CDKAL1: variants seen among roughly 807,000 people sequenced by gnomAD.
CDKAL1 encodes threonylcarbamoyladenosine tRNA methylthiotransferase.
A neutral mutation model predicts 68.2 loss-of-function variants in CDKAL1; 32 were observed. That is an observed-to-expected ratio of 0.47 (90% CI 0.35 to 0.63). CDKAL1 has a LOEUF of 0.63. CDKAL1 is among the 30% of genes least tolerant of loss of function. CDKAL1 has a pLI of 0.00. For synonymous variants in CDKAL1, 234 were observed against 244.3 expected (o/e 0.96, Z 0.39); for missense variants, 606 against 696.7 (o/e 0.87, Z 1.47).
At chr6:21,016,432 A>G (rs889057183) in intron 11 of CDKAL1, among the ~76,000 whole-genome samples, 2 of 151,630 alleles carry the variant, frequency 1.3e-5, no homozygotes, top group Non-Finnish European at 2.9e-5. Flanking sequence ...CAACTCCTTG[A>G]TCCTCTGTAA....
chr6:21,176,903 T>C (rs1308541028), intron 13 of CDKAL1, among the ~76,000 whole-genome samples: 4 of 151,978 alleles, frequency 2.6e-5, no homozygotes, highest in Non-Finnish European at 5.9e-5. Flanking sequence ...TTCACCATCT[T>C]GGCCAGGCTG....
chr6:20,696,596 T>C (rs1771117854), intron 5 of CDKAL1, among the ~76,000 whole-genome samples: 1 of 152,242 alleles, frequency 6.6e-6, no homozygotes, highest in South Asian at 2.1e-4. Flanking sequence ...ACTGTTTGTA[T>C]TTTTAATAGC....
intron 4 of CDKAL1, among the ~76,000 whole-genome samples, chr6:20,595,801 C>T (rs919163952): frequency 5.9e-5 from 9 of 152,096 alleles, no homozygotes; most frequent in African/African-American, 1.7e-4. Context: ...TCCTCATCTT[C>T]GTGGATTCAT....
chr6:21,129,653 G>A (rs1219631050), intron 13 of CDKAL1, among the ~76,000 whole-genome samples: 1 of 128,306 alleles, frequency 7.8e-6, no homozygotes, highest in Non-Finnish European at 1.5e-5. Flanking sequence ...TTGTCTTATA[G>A]GAGACTATAC....
intron 4 of CDKAL1, among the ~76,000 whole-genome samples, chr6:20,597,396 G>A (rs1765879318): frequency 6.6e-6 from 1 of 151,864 alleles, no homozygotes; most frequent in African/African-American, 2.4e-5. Context: ...CCAAAGTGCT[G>A]GGATTACAGG....
At chr6:20,818,854 A>G (rs1777157676) in intron 8 of CDKAL1, among the ~76,000 whole-genome samples, 1 of 151,778 alleles carries the variant, frequency 6.6e-6, no homozygotes, top group Admixed American at 6.6e-5. Flanking sequence ...TTCATTGTTC[A>G]CCCTCTTATG....
chr6:20,600,812 T>G (rs4712516), intron 4 of CDKAL1, among the ~76,000 whole-genome samples: 46,707 of 143,480 alleles, frequency 0.33, 8,131 homozygotes, highest in East Asian at 0.51. Context: ...GAATGATAAA[T>G]TATTCTGTAA....
chr6:21,060,154 A>G (rs1771068056), intron 11 of CDKAL1, among the ~76,000 whole-genome samples: 1 of 152,186 alleles, frequency 6.6e-6, no homozygotes, highest in African/African-American at 2.4e-5. Context: ...CCATGAAACC[A>G]TATAGTCTTG....
At chr6:20,804,812 C>T (rs1365442759) in intron 8 of CDKAL1, among the ~76,000 whole-genome samples, 1 of 152,072 alleles carries the variant, frequency 6.6e-6, no homozygotes, top group East Asian at 1.9e-4. Context: ...TAGAATTTTC[C>T]CTAAGCTGAT....
At position 21,195,477 on chromosome 6, in the gene CDKAL1, T is replaced by TTTTATTTATTTA. The variant is rs70993212; in HGVS notation, c.1300-2504_1300-2493dup. Among the ~76,000 whole-genome samples, 90 of 118,584 alleles carry TTTTATTTATTTA rather than the reference T, an allele frequency of 7.6e-4. 1 individual carries two copies. The highest frequency in any genetic ancestry group is 1.4e-3 in the East Asian group (6 of 4,140). 77.8% of individuals were successfully genotyped at this position (118,584 alleles called of 152,430 possible). On this transcript the variant is annotated intron_variant, in intron 13 of 15. Coordinates refer to ENST00000274695, the MANE Select transcript of CDKAL1 (RefSeq NM_017774.3). The stretch of plus-strand genomic sequence containing the variant: ...CGTGCCTGGCCTCTGGAGATGTTTT[T>TTTTATTTATTTA]TTTATTTATTTATTTATTTATTTAT...
chr6:20,980,747 G>C (rs1213868817), intron 10 of CDKAL1, among the ~76,000 whole-genome samples: 1 of 152,100 alleles, frequency 6.6e-6, no homozygotes, highest in Non-Finnish European at 1.5e-5. Flanking sequence ...TCAGTAAAGG[G>C]GAGAGAGAGG....
intron 5 of CDKAL1, among the ~76,000 whole-genome samples, chr6:20,662,497 T>C (rs141783511): frequency 7.9e-5 from 12 of 152,282 alleles, no homozygotes; most frequent in African/African-American, 2.6e-4. Context: ...GTCCCTACTG[T>C]ACCTTTGATG....
chr6:20,609,279 C>CCTTCTCCTTCTCCTT (rs1561963019), intron 4 of CDKAL1, among the ~76,000 whole-genome samples: 1 of 146,672 alleles, frequency 6.8e-6, no homozygotes, highest in Admixed American at 6.8e-5. Flanking sequence ...TCCTTCTCCT[C>CCTTCTCCTTCTCCTT]CTTCTCCTTC....
rs535120448 is a variant in CDKAL1, at chr6:20,817,440, G to A, written c.639-28635G>A. On this transcript the variant is annotated intron_variant, in intron 8 of 15. Transcript: ENST00000274695. ...AAGTTCTTTATTTGTTAGAAGGTCAGAGAAAGTAGATTTTATGTTTTTTTC... is the reference window on the plus strand; with the variant it reads ...AAGTTCTTTATTTGTTAGAAGGTCAAAGAAAGTAGATTTTATGTTTTTTTC... Among the ~76,000 whole-genome samples the A allele has an allele frequency of 2.0e-4, 30 of 152,266 alleles. No individual in the cohort carries two copies. The East Asian group carries it at 5.8e-3, about 29-fold the overall frequency.
Position 21,182,329 on chromosome 6 carries a change from T to A in CDKAL1, c.1300-15692T>A, listed in dbSNP as rs529794699. Among the ~76,000 whole-genome samples, 21 of 152,348 alleles carry A rather than the reference T, an allele frequency of 1.4e-4. No homozygotes were observed. The East Asian group carries it at 3.3e-3, about 24-fold the overall frequency. On this transcript the variant is annotated intron_variant, in intron 13 of 15. Coordinates refer to ENST00000274695, the MANE Select transcript of CDKAL1 (RefSeq NM_017774.3). ...TAACTGTAAGAATATCACTATTTAT[T>A]AAAAGAGCTGCTTCATTCATTTACA...
At chr6:20,843,282 T>A (rs1250116686) in intron 8 of CDKAL1, among the ~76,000 whole-genome samples, 1 of 152,044 alleles carries the variant, frequency 6.6e-6, no homozygotes, top group Non-Finnish European at 1.5e-5. Flanking sequence ...TTCATTTATG[T>A]TATAAATTTT....
At chr6:21,089,937 C>T (rs1772909645) in intron 12 of CDKAL1, among the ~76,000 whole-genome samples, 1 of 152,296 alleles carries the variant, frequency 6.6e-6, no homozygotes, top group East Asian at 1.9e-4. Flanking sequence ...TAGGAAGTTA[C>T]GTATGAGCTG....
In CDKAL1 at chr6:21,231,382, T is replaced by C. The variant is rs180855803; in HGVS notation, c.*343T>C. The C allele has an allele frequency of 2.3e-3, 425 of 182,946 alleles. 7 individuals carry two copies. The Admixed American group carries it at 0.023, about 10-fold the overall frequency. 11.3% of individuals were successfully genotyped at this position (182,946 alleles called of 1,614,324 possible). A position where few individuals can be genotyped will look rare whatever the true frequency, so the allele number is the denominator to read the frequency against. Reference sequence around the variant, plus strand: ...TAATTGTACAGTGGCTCTGGCCATCTTTTCCTCATGTGGAAGAATTTTCTA... The same window carrying C: ...TAATTGTACAGTGGCTCTGGCCATCCTTTCCTCATGTGGAAGAATTTTCTA... On this transcript the variant is annotated 3_prime_UTR_variant, in exon 16 of 16. Coordinates refer to ENST00000274695, the MANE Select transcript of CDKAL1 (RefSeq NM_017774.3).
chr6:20,635,974 T>TG (rs1767888233), intron 4 of CDKAL1, among the ~76,000 whole-genome samples: 1 of 152,110 alleles, frequency 6.6e-6, no homozygotes, highest in Non-Finnish European at 1.5e-5. Context: ...GGTAGTAAAC[T>TG]GGGGGAAACA....
Sources: gnomAD v4.1 joint callset for allele counts (sites outside exome capture counted in the v4.1 genomes callset) on GRCh38, gnomAD v4.1.1 for gene constraint, MANE v1.5 for transcripts, NCBI Gene and HGNC (gene_info 2026-07-23, HGNC 2026-07-21) for gene names.